Variants in NR2F1-AS1 observed in about 807,000 individuals in gnomAD.
NR2F1-AS1 encodes NR2F1 antisense RNA 1.
At chr5:93,416,875 T>C (rs1396043520) in intron 4 of NR2F1-AS1, among the ~76,000 whole-genome samples, 1 of 152,190 alleles carries the variant, frequency 6.6e-6, no homozygotes, top group Non-Finnish European at 1.5e-5. Flanking sequence ...AAAAAAGTAT[T>C]TAAAATTAGC....
intron 4 of NR2F1-AS1, among the ~76,000 whole-genome samples, chr5:93,553,440 T>C (rs191342766): frequency 6.6e-6 from 1 of 152,342 alleles, no homozygotes; most frequent in East Asian, 1.9e-4. Context: ...TATCACTCTT[T>C]TCTAATCAGT....
At chr5:93,578,534 A>AAG (rs1404719136) in intron 1 of NR2F1-AS1, among the ~76,000 whole-genome samples, 1 of 152,030 alleles carries the variant, frequency 6.6e-6, no homozygotes, top group African/African-American at 2.4e-5. Flanking sequence ...GCCAAACCGA[A>AAG]AGAGAGACCC....
chr5:93,410,003 T>C (rs1748819639), intron 4 of NR2F1-AS1: 1 of 152,324 alleles, frequency 6.6e-6, no homozygotes, highest in Non-Finnish European at 1.5e-5. Context: ...GACAAAGACA[T>C]GTCTATTGTT....
chr5:93,433,252 T>A (rs950556544), intron 4 of NR2F1-AS1, among the ~76,000 whole-genome samples: 14 of 152,162 alleles, frequency 9.2e-5, no homozygotes, highest in African/African-American at 3.1e-4. Flanking sequence ...GTTGTTGGGT[T>A]TTCTCCTTTA....
intron 4 of NR2F1-AS1, among the ~76,000 whole-genome samples, chr5:93,468,100 T>C: frequency 6.6e-6 from 1 of 152,236 alleles, no homozygotes; most frequent in South Asian, 2.1e-4. Context: ...TTGTGAATAG[T>C]GCCGCAATAA....
At chr5:93,497,661 T>C (rs1378606282) in intron 4 of NR2F1-AS1, among the ~76,000 whole-genome samples, 3 of 152,204 alleles carry the variant, frequency 2.0e-5, no homozygotes. Context: ...GTTTATATAC[T>C]ATCCTCAAAG....
intron 2 of NR2F1-AS1, among the ~76,000 whole-genome samples, chr5:93,557,983 G>A (rs922758458): frequency 1.3e-5 from 2 of 152,084 alleles, no homozygotes; most frequent in Non-Finnish European, 2.9e-5. Flanking sequence ...TCATCCGTAA[G>A]AAACAACTCA....
chr5:93,514,682 T>G (rs1580293058), intron 4 of NR2F1-AS1, among the ~76,000 whole-genome samples: 1 of 152,206 alleles, frequency 6.6e-6, no homozygotes, highest in East Asian at 1.9e-4. Flanking sequence ...ACTGAATCTG[T>G]ACTTGAGGAA....
At chr5:93,470,835 A>C (rs1290752239) in intron 4 of NR2F1-AS1, among the ~76,000 whole-genome samples, 1 of 151,806 alleles carries the variant, frequency 6.6e-6, no homozygotes, top group East Asian at 1.9e-4. Flanking sequence ...TTTTACCCTT[A>C]AGTTTTTCTG....
intron 4 of NR2F1-AS1, among the ~76,000 whole-genome samples, chr5:93,420,368 G>A (rs1052534943): frequency 6.6e-6 from 1 of 152,138 alleles, no homozygotes; most frequent in Non-Finnish European, 1.5e-5. Flanking sequence ...TTACCAATTA[G>A]GTAAGTCACT....
At chr5:93,442,476 A>G (rs530026118) in intron 4 of NR2F1-AS1, among the ~76,000 whole-genome samples, 1 of 152,312 alleles carries the variant, frequency 6.6e-6, no homozygotes, top group East Asian at 1.9e-4. Context: ...ACTGCAAGGC[A>G]GCAGTGAGGC....
chr5:93,482,809 C>T (rs1320024518), intron 4 of NR2F1-AS1, among the ~76,000 whole-genome samples: 1 of 152,180 alleles, frequency 6.6e-6, no homozygotes, highest in Non-Finnish European at 1.5e-5. Context: ...GGCTCTTTTC[C>T]CCTCACAGTG....
chr5:93,554,349 C>T (rs977302892), intron 3 of NR2F1-AS1, among the ~76,000 whole-genome samples: 4 of 152,084 alleles, frequency 2.6e-5, no homozygotes, highest in Non-Finnish European at 4.4e-5. Flanking sequence ...TTCTGAAAAA[C>T]ACTTCCATTT....
intron 1 of NR2F1-AS1, among the ~76,000 whole-genome samples, chr5:93,564,882 T>C (rs1341901602): frequency 6.6e-6 from 1 of 152,154 alleles, no homozygotes; most frequent in Non-Finnish European, 1.5e-5. Context: ...TAAATGACTT[T>C]CCAGGAAAGT....
chr5:93,492,912 T>G (rs935940476), intron 4 of NR2F1-AS1, among the ~76,000 whole-genome samples: 1 of 151,244 alleles, frequency 6.6e-6, no homozygotes, highest in African/African-American at 2.4e-5. Flanking sequence ...AGGGCACTTA[T>G]GAAAAACCCA....
intron 4 of NR2F1-AS1, among the ~76,000 whole-genome samples, chr5:93,518,264 C>T (rs1174431357): frequency 6.6e-6 from 1 of 152,064 alleles, no homozygotes; most frequent in Non-Finnish European, 1.5e-5. Context: ...CCTAGTGTCT[C>T]CAGACCTGAG....
chr5:93,463,163 C>T (rs1026075291), intron 4 of NR2F1-AS1, among the ~76,000 whole-genome samples: 3 of 152,178 alleles, frequency 2.0e-5, no homozygotes, highest in Non-Finnish European at 4.4e-5. Context: ...TGCACAGGGC[C>T]CCCCTGCTGT....
chr5:93,537,997 A>T (rs1315951895), intron 4 of NR2F1-AS1, among the ~76,000 whole-genome samples: 1 of 152,080 alleles, frequency 6.6e-6, no homozygotes. Flanking sequence ...GCATATATAC[A>T]TAGTCCAGCC....
chr5:93,520,059 A>C (rs1431160857), intron 4 of NR2F1-AS1, among the ~76,000 whole-genome samples: 1 of 152,110 alleles, frequency 6.6e-6, no homozygotes, highest in Non-Finnish European at 1.5e-5. Flanking sequence ...TACTATTTTC[A>C]GTAATATATA....
Sources: gnomAD v4.1 joint callset for allele counts (sites outside exome capture counted in the v4.1 genomes callset) on GRCh38, gnomAD v4.1.1 for gene constraint, MANE v1.5 for transcripts, NCBI Gene and HGNC (gene_info 2026-07-23, HGNC 2026-07-21) for gene names.